Variants in NWD2 observed in about 807,000 individuals in gnomAD.
NWD2 encodes NACHT and WD repeat domain-containing protein 2.
Under a neutral mutation model 132.7 loss-of-function variants are expected in NWD2, and 37 were observed. That is an observed-to-expected ratio of 0.28 (90% confidence interval 0.21 to 0.37). NWD2 has a LOEUF of 0.37. Among genes scored for constraint, NWD2 ranks in the 10% least tolerant of loss-of-function variants. NWD2 has a pLI of 1.00. For synonymous variants in NWD2, 705 were observed against 803.0 expected, an observed-to-expected ratio of 0.88 and a Z score of 2.06; for missense variants, 1,592 against 2,122.4, an observed-to-expected ratio of 0.75 and a Z score of 4.91.
chr4:37,322,885 C>T (rs1719096996), intron 1 of NWD2, among the ~76,000 whole-genome samples: 1 of 152,094 alleles, frequency 6.6e-6, no homozygotes, highest in Non-Finnish European at 1.5e-5. Context: ...TTTTTTATTT[C>T]ATAAGCTTTA....
intron 5 of NWD2, among the ~76,000 whole-genome samples, chr4:37,434,754 G>GA (rs1315757902): frequency 6.7e-6 from 1 of 149,780 alleles, no homozygotes; most frequent in Non-Finnish European, 1.5e-5. Context: ...CCAGGAGCAG[G>GA]AAAAATAAAA....
chr4:37,441,545 G>C (rs1189585223), intron 6 of NWD2, among the ~76,000 whole-genome samples: 2 of 152,206 alleles, frequency 1.3e-5, no homozygotes, highest in Non-Finnish European at 2.9e-5. Context: ...TGTGGGATGT[G>C]CTGATTCCCT....
At chr4:37,440,322 G>A (rs867277847) in intron 6 of NWD2, among the ~76,000 whole-genome samples, 4 of 152,110 alleles carry the variant, frequency 2.6e-5, no homozygotes, top group Admixed American at 6.5e-5. Context: ...GTAGCCTGCC[G>A]TCCACATGTA....
At chr4:37,325,823 G>A (rs1465542886) in intron 1 of NWD2, 113 bp from the exon 2 acceptor site, 1 of 625,248 alleles carries the variant, frequency 1.6e-6, no homozygotes, top group Non-Finnish European at 2.8e-6. Context: ...TCACAATCCA[G>A]CACCTCAACT....
At chr4:37,275,856 C>G (rs1424537549) in intron 1 of NWD2, among the ~76,000 whole-genome samples, 1 of 152,056 alleles carries the variant, frequency 6.6e-6, no homozygotes. Flanking sequence ...GGAAAGGATT[C>G]CCTATTTAAT....
chr4:37,333,574 C>G (rs753824342), intron 2 of NWD2, among the ~76,000 whole-genome samples: 12 of 152,118 alleles, frequency 7.9e-5, no homozygotes, highest in Non-Finnish European at 1.3e-4. Flanking sequence ...AAACCCAAGT[C>G]CCTTTGAATA....
intron 3 of NWD2, among the ~76,000 whole-genome samples, chr4:37,409,001 A>G (rs916113905): frequency 3.3e-5 from 5 of 152,188 alleles, no homozygotes; most frequent in South Asian, 2.1e-4. Context: ...CCCCATCCAA[A>G]GGTCACCAAC....
chr4:37,444,942 C>T lies in NWD2; in HGVS notation c.2954C>T (p.Ala985Val). The change falls in exon 7 of 7, where the codon GCT (alanine) becomes GTT (valine). Residue 985 changes from alanine (A) to valine (V), a missense_variant. Ala to Val is a moderately conservative substitution (Grantham distance 64, BLOSUM62 0). Around this residue, in one of 7 missense-constraint regions of NWD2, gnomAD observed 1,071 missense variants for 1,398.0 expected, o/e 0.77. Coordinates refer to ENST00000309447, the MANE Select transcript of NWD2 (RefSeq NM_001144990.2). This position sits in a 1 kb window ranked among gnomAD's most constrained non-coding sequence, Gnocchi z 4.8. ...PTCNPSTVLTALENGSISTWD... is the reference protein window; with the variant it reads ...PTCNPSTVLTVLENGSISTWD... ...TGTAACCCCAGCACTGTCCTCACAG[C>T]TTTAGAAAATGGTTCCATCAGCACC... 6.4e-7 allele frequency: 1 copy of T among 1,552,288 alleles called. No individual in the cohort carries two copies. The highest frequency in any genetic ancestry group is 1.2e-5 in the South Asian group (1 of 84,052).
chr4:37,274,106 C>A (rs558434563), intron 1 of NWD2, among the ~76,000 whole-genome samples: 25 of 151,876 alleles, frequency 1.6e-4, no homozygotes, highest in African/African-American at 5.6e-4. Flanking sequence ...GAGATAGAGA[C>A]ACAAAAAACC....
chr4:37,376,172 A>T (rs956557025), intron 3 of NWD2, among the ~76,000 whole-genome samples: 2 of 152,212 alleles, frequency 1.3e-5, no homozygotes, highest in Admixed American at 1.3e-4. Context: ...CAAAGTTATG[A>T]ATACTTGTGA....
chr4:37,443,483 C>T lies in NWD2; in HGVS notation c.1495C>T (p.Leu499Phe). ...IHDLCDLFINLLNESSLQRPL... is the reference protein window; with the variant it reads ...IHDLCDLFINFLNESSLQRPL... ...TGACCTCTGTGACTTATTTATAAAT[C>T]TTTTGAATGAGTCTTCACTGCAGAG... is the stretch of plus-strand genomic sequence containing the variant. Residue 499 changes from leucine to phenylalanine, a missense_variant, in exon 7 of 7, where the codon CTT becomes TTT. Physicochemically the swap from Leu to Phe is conservative, Grantham distance 22. Around this residue, in one of 7 missense-constraint regions of NWD2, gnomAD observed 1,071 missense variants for 1,398.0 expected, o/e 0.77. Coordinates refer to ENST00000309447, the MANE Select transcript of NWD2 (RefSeq NM_001144990.2). This position sits in a 1 kb window ranked among gnomAD's most constrained non-coding sequence, Gnocchi z 4.1. The T allele has an allele frequency of 6.4e-7, 1 of 1,552,114 alleles. No individual in the cohort carries two copies. The highest frequency in any genetic ancestry group is 8.7e-7 in the Non-Finnish European group (1 of 1,147,062).
chr4:37,248,902 G>C (rs1717296429), intron 1 of NWD2, among the ~76,000 whole-genome samples: 1 of 152,128 alleles, frequency 6.6e-6, no homozygotes, highest in South Asian at 2.1e-4. Flanking sequence ...TTCAGATTTT[G>C]AGGAAAAATA....
chr4:37,289,793 C>T (rs77865317), intron 1 of NWD2, among the ~76,000 whole-genome samples: 3,041 of 152,210 alleles, frequency 0.02, 76 homozygotes, highest in East Asian at 0.11. Context: ...TTCATATCCC[C>T]TCCTAGTGAG....
At position 37,443,519 on chromosome 4, in the gene NWD2, A is replaced by G. The variant is rs1462946296; in HGVS notation, c.1531A>G (p.Ile511Val). 3.9e-6 allele frequency: 6 copies of G among 1,551,734 alleles called. No homozygotes were observed. In the East Asian group the frequency reaches 1.2e-4, roughly 32 times the overall value. ...NESSLQRPLV[I>V]IFDALEQLSE... ...GTCTTCACTGCAGAGACCTCTAGTCATAATATTCGATGCACTAGAGCAGCT... is the reference window on the plus strand; with the variant it reads ...GTCTTCACTGCAGAGACCTCTAGTCGTAATATTCGATGCACTAGAGCAGCT... Residue 511 changes from isoleucine (I) to valine (V), a missense_variant, in exon 7 of 7, where the codon ATA becomes GTA. Physicochemically the swap from Ile to Val is conservative, Grantham distance 29. Around this residue, in one of 7 missense-constraint regions of NWD2, gnomAD observed 1,071 missense variants for 1,398.0 expected, o/e 0.77. Transcript: ENST00000309447. The surrounding 1 kb of genome is among the most constrained non-coding windows in gnomAD (Gnocchi z 4.1).
intron 1 of NWD2, among the ~76,000 whole-genome samples, chr4:37,264,037 G>A (rs1717701351): frequency 6.6e-6 from 1 of 152,096 alleles, no homozygotes; most frequent in Non-Finnish European, 1.5e-5. Context: ...GGACAACAAG[G>A]TAGTTAGTAG....
intron 2 of NWD2, among the ~76,000 whole-genome samples, chr4:37,348,269 T>C (rs926259173): frequency 2.0e-5 from 3 of 152,200 alleles, no homozygotes; most frequent in Non-Finnish European, 4.4e-5. Flanking sequence ...ACAAGTTCGT[T>C]AACATTCAAC....
intron 3 of NWD2, among the ~76,000 whole-genome samples, chr4:37,405,002 T>C (rs1218671299): frequency 6.6e-6 from 1 of 152,184 alleles, no homozygotes; most frequent in Non-Finnish European, 1.5e-5. Context: ...CAACTGAACA[T>C]GAGATTTGTG....
At chr4:37,388,933 A>G (rs1012737718) in intron 3 of NWD2, among the ~76,000 whole-genome samples, 1 of 151,198 alleles carries the variant, frequency 6.6e-6, no homozygotes, top group African/African-American at 2.4e-5. Flanking sequence ...AACCTCTATG[A>G]TGGTGTCTAC....
chr4:37,443,492 G>A lies in NWD2; in HGVS notation c.1504G>A (p.Glu502Lys), dbSNP rs1712541227. Residue 502 changes from glutamate to lysine, a missense_variant, in exon 7 of 7, where the codon GAG becomes AAG. Glu to Lys is a moderately conservative substitution (Grantham distance 56). Transcript: ENST00000309447. This position sits in a 1 kb window ranked among gnomAD's most constrained non-coding sequence, Gnocchi z 4.1. The part of the protein sequence containing the change: ...LCDLFINLLN[E>K]SSLQRPLVII... ...TGACTTATTTATAAATCTTTTGAAT[G>A]AGTCTTCACTGCAGAGACCTCTAGT... is the stretch of plus-strand genomic sequence containing the variant. 1 of 1,551,896 alleles carries A rather than the reference G, an allele frequency of 6.4e-7. No homozygotes were observed. Among genetic ancestry groups the A allele is most frequent in the African/African-American group, 1.4e-5 (1 of 73,030 alleles).
Sources: allele counts gnomAD v4.1 joint callset (sites outside exome capture counted in the v4.1 genomes callset), GRCh38; gene constraint gnomAD v4.1.1; regional missense constraint gnomAD v4.1.1; non-coding constraint Gnocchi (gnomAD v3.1); transcripts MANE v1.5; gene names NCBI Gene and HGNC (gene_info 2026-07-23, HGNC 2026-07-21).